The following SREK1 variants were observed in gnomAD, a reference collection of about 807,000 sequenced individuals.
SREK1 encodes the protein splicing regulatory glutamic acid and lysine rich protein 1.
A neutral mutation model predicts 66.5 loss-of-function variants in SREK1; 13 were observed. The observed-to-expected ratio is 0.20, with a 90% confidence interval of 0.13 to 0.31. The LOEUF is 0.31. SREK1 is among the 10% of genes least tolerant of loss of function. The pLI is 1.00. For missense variants in SREK1, 607 were observed against 769.6 expected (o/e 0.79, Z 2.50); for synonymous variants, 265 against 263.5 (o/e 1.01, Z -0.05).
chr5:66,149,904 G>A (rs1222615965), intron 1 of SREK1, among the ~76,000 whole-genome samples: 2 of 152,228 alleles, frequency 1.3e-5, no homozygotes, highest in Non-Finnish European at 2.9e-5. Flanking sequence ...ATGGGAACTA[G>A]TACTGGGAAC....
chr5:66,177,771 A>T, intron 11 of SREK1, 113 bp downstream of exon 11: 1 of 818,236 alleles, frequency 1.2e-6, no homozygotes, highest in African/African-American at 1.8e-5. Context: ...TTGGCATTTT[A>T]TGGCATTTTA....
rs1049844079 is a variant in SREK1, at chr5:66,181,171, G to A, written c.*2303G>A. 5 of 152,172 alleles carry A rather than the reference G, an allele frequency of 3.3e-5. No individual in the cohort carries two copies. The highest frequency in any genetic ancestry group is 5.9e-5 in the Non-Finnish European group (4 of 68,016). 9.4% of individuals were successfully genotyped at this position (152,172 alleles called of 1,614,324 possible). ...TGAAACACTGATTTGTAAAAACTAA[G>A]AATGAGTAGGAATACAAGAGATCTG... On this transcript the variant is annotated 3_prime_UTR_variant, in exon 12 of 12. Coordinates refer to ENST00000334121, the MANE Select transcript of SREK1 (RefSeq NM_001077199.3).
chr5:66,177,693 A>G (rs1298106724), intron 11 of SREK1, 35 bp downstream of exon 11: 3 of 1,554,416 alleles, frequency 1.9e-6, no homozygotes, highest in African/African-American at 2.8e-5. Flanking sequence ...GGCACTTGAA[A>G]TGGTTCTTTA....
rs1028491609 is a variant in SREK1, at chr5:66,182,937, A to G, written c.*4069A>G. 7 of 152,232 alleles carry G rather than the reference A, an allele frequency of 4.6e-5. No individual in the cohort carries two copies. Among genetic ancestry groups the G allele is most frequent in the South Asian group, 2.1e-4 (1 of 4,832 alleles). 9.4% of individuals were successfully genotyped at this position (152,232 alleles called of 1,614,324 possible). A position where few individuals can be genotyped will look rare whatever the true frequency, so the allele number is the denominator to read the frequency against. On this transcript the variant is annotated 3_prime_UTR_variant, in exon 12 of 12. Transcript: ENST00000334121. ...TTATATTCAGTCAGTTGGATTTAGT[A>G]ACTAATAACTAGCTTTCTTCCATTC...
rs1384407614 is a variant in SREK1, at chr5:66,182,876, T to C, written c.*4008T>C. 1 of 152,224 alleles carries C rather than the reference T, an allele frequency of 6.6e-6. No homozygotes were observed. Among genetic ancestry groups the C allele is most frequent in the African/African-American group, 2.4e-5 (1 of 41,450 alleles). 9.4% of individuals were successfully genotyped at this position (152,224 alleles called of 1,614,324 possible). A position where few individuals can be genotyped will look rare whatever the true frequency, so the allele number is the denominator to read the frequency against. On this transcript the variant is annotated 3_prime_UTR_variant, in exon 12 of 12. Coordinates refer to ENST00000334121, the MANE Select transcript of SREK1 (RefSeq NM_001077199.3). Reference sequence around the variant, plus strand: ...AGGTACTGCACCTGGCAATACGTTATTTTAAAAGTAAACGCTAAGCCATTT... The same window carrying C: ...AGGTACTGCACCTGGCAATACGTTACTTTAAAAGTAAACGCTAAGCCATTT...
Position 66,175,083 on chromosome 5 carries a change from A to G in SREK1, c.1580+42A>G, listed in dbSNP as rs190589755. 17 of 1,480,622 alleles carry G rather than the reference A, an allele frequency of 1.1e-5. No homozygotes were observed. The African/African-American group carries it at 2.3e-4, about 20-fold the overall frequency. The allele number at this position is 1,480,622 out of a possible 1,614,324, so 91.7% of individuals were successfully genotyped here. ...TGCTAAAACTAAACAGGAGAAAGCA[A>G]TAAATATTTTTTGAAATTTTAAATT... On this transcript the variant is annotated intron_variant, in intron 10 of 11. Coordinates refer to ENST00000334121, the MANE Select transcript of SREK1 (RefSeq NM_001077199.3).
intron 1 of SREK1, among the ~76,000 whole-genome samples, chr5:66,145,987 GAT>G (rs1275994844): frequency 6.6e-6 from 1 of 151,666 alleles, no homozygotes; most frequent in Non-Finnish European, 1.5e-5. Flanking sequence ...GGTATATAGA[GAT>G]ATGTGTATAT....
At chr5:66,151,478 G>C (rs1743800942) in intron 1 of SREK1, among the ~76,000 whole-genome samples, 1 of 152,174 alleles carries the variant, frequency 6.6e-6, no homozygotes, top group Non-Finnish European at 1.5e-5. Flanking sequence ...TTTCGGACTT[G>C]GGTAGTATGA....
At chr5:66,160,071 A>T (rs1744620947) in intron 3 of SREK1, among the ~76,000 whole-genome samples, 1 of 152,116 alleles carries the variant, frequency 6.6e-6, no homozygotes, top group East Asian at 1.9e-4. Context: ...CGGAGCTTGC[A>T]GTGAGCGAAG....
intron 1 of SREK1, among the ~76,000 whole-genome samples, chr5:66,151,338 A>G (rs1743788620): frequency 2.0e-5 from 3 of 152,240 alleles, no homozygotes; most frequent in South Asian, 4.1e-4. Flanking sequence ...TATTTAACTG[A>G]CCAAAGCAGG....
intron 2 of SREK1, chr5:66,156,901 C>CTGT: frequency 2.1e-6 from 2 of 966,816 alleles, no homozygotes; most frequent in South Asian, 4.8e-5. Flanking sequence ...GAGATTAGGA[C>CTGT]TATAATACTG....
intron 7 of SREK1, chr5:66,166,779 A>T (rs1238836246): frequency 1.3e-5 from 2 of 152,144 alleles, no homozygotes; most frequent in Non-Finnish European, 2.9e-5. Context: ...TGACATATAT[A>T]CATACATACA....
chr5:66,162,404 G>T lies in SREK1; in HGVS notation c.577-10G>T. The T allele has an allele frequency of 6.2e-7, 1 of 1,613,086 alleles. No individual in the cohort carries two copies. The highest frequency in any genetic ancestry group is 8.5e-7 in the Non-Finnish European group (1 of 1,179,314). On this transcript the variant is annotated splice_polypyrimidine_tract_variant and intron_variant, in intron 4 of 11. Coordinates refer to ENST00000334121, the MANE Select transcript of SREK1 (RefSeq NM_001077199.3). ...ATATATTTTATCAAAGTGTCACTTT[G>T]TTCCCTTAGACAACGACAGCTGATC...
intron 1 of SREK1, among the ~76,000 whole-genome samples, chr5:66,145,592 ATTTAC>A (rs1743117188): frequency 6.6e-6 from 1 of 151,896 alleles, no homozygotes; most frequent in Non-Finnish European, 1.5e-5. Context: ...GATATTTAAA[ATTTAC>A]TTTTTAAGTT....
At chr5:66,163,747 T>C (rs1317983690) in intron 5 of SREK1, 45 bp from the exon 6 acceptor site, 1 of 1,571,946 alleles carries the variant, frequency 6.4e-7, no homozygotes, top group Non-Finnish European at 8.7e-7. Flanking sequence ...TCATGTTTTA[T>C]AAAATGTGGT....
Position 66,170,852 on chromosome 5 carries a change from A to G in SREK1, c.1389A>G (p.Arg463=). 6.2e-7 allele frequency: 1 copy of G among 1,613,900 alleles called. No individual in the cohort carries two copies. Among genetic ancestry groups the G allele is most frequent in the Non-Finnish European group, 8.5e-7 (1 of 1,179,952 alleles). The change falls in exon 9 of 12, where the codon AGA becomes AGG. Residue 463 remains arginine (R), a synonymous_variant. Transcript: ENST00000334121. The stretch of plus-strand genomic sequence containing the variant: ...AAGAAAAGGAACGAGAAAAAGACAG[A>G]TCCAAAGAGATAGATGAAAAAAGAA... ...QDKEKEREKD[R]SKEIDEKRKK...
intron 6 of SREK1, 75 bp downstream of exon 6, chr5:66,163,997 A>G: frequency 5.3e-6 from 8 of 1,513,708 alleles, no homozygotes; most frequent in Non-Finnish European, 7.2e-6. Context: ...AATTTTAGAA[A>G]TCATCTTGTT....
intron 3 of SREK1, among the ~76,000 whole-genome samples, chr5:66,160,254 C>T (rs1744640651): frequency 6.6e-6 from 1 of 151,994 alleles, no homozygotes; most frequent in South Asian, 2.1e-4. Flanking sequence ...ACAAAGCTTG[C>T]CTTAATTGGA....
In SREK1 at chr5:66,152,067, G is replaced by A. The variant is rs190839888; in HGVS notation, c.162-1396G>A. 3.5e-3 allele frequency among the ~76,000 whole-genome samples: 526 copies of A among 152,040 alleles called. 3 individuals are homozygous for A. Among genetic ancestry groups the A allele is most frequent in the African/African-American group, 0.012 (504 of 41,488 alleles). On this transcript the variant is annotated intron_variant, in intron 1 of 11. Coordinates refer to ENST00000334121, the MANE Select transcript of SREK1 (RefSeq NM_001077199.3). ...TCACCGTGTTAGCCAGGATAGTCTC[G>A]ATCTCCTGACCTCGTGATCCGCCCG...
Sources: allele counts gnomAD v4.1 joint callset (sites outside exome capture counted in the v4.1 genomes callset), GRCh38; gene constraint gnomAD v4.1.1; transcripts MANE v1.5; gene names NCBI Gene and HGNC (gene_info 2026-07-23, HGNC 2026-07-21).